The following RABGAP1L variants were observed in gnomAD, a reference collection of about 807,000 sequenced individuals.
The protein encoded by RABGAP1L is rab GTPase-activating protein 1-like.
RABGAP1L carries 63 observed loss-of-function variants against 137.7 expected under a neutral mutation model. The ratio of observed to expected loss-of-function variants is 0.46; its 90% CI spans 0.37 to 0.56. The LOEUF (loss-of-function observed/expected upper bound fraction) is 0.56, where lower values mean the gene tolerates loss of function less well. Among genes scored for constraint, RABGAP1L ranks in the 20% least tolerant of loss-of-function variants. RABGAP1L has a pLI of 0.00. For missense variants in RABGAP1L, 1,095 were observed against 1,244.0 expected (o/e 0.88, Z 1.80); for synonymous variants, 431 against 433.7 (o/e 0.99, Z 0.08).
chr1:174,700,957 T>TGTTAGCAGTTTTTTTTCA, intron 16 of RABGAP1L: 1 of 845,902 alleles, frequency 1.2e-6, no homozygotes, highest in Non-Finnish European at 1.6e-6. Context: ...CACATTTTTC[T>TGTTAGCAGTTTTTTTTCA]GTTAGCAGTT....
chr1:174,611,991 T>TA (rs1213157907), intron 13 of RABGAP1L, among the ~76,000 whole-genome samples: 1 of 152,246 alleles, frequency 6.6e-6, no homozygotes, highest in Non-Finnish European at 1.5e-5. Flanking sequence ...TACAATCATG[T>TA]CATCTGCAAA....
chr1:174,180,510 C>A (rs1370752492), intron 1 of RABGAP1L, among the ~76,000 whole-genome samples: 1 of 152,120 alleles, frequency 6.6e-6, no homozygotes, highest in East Asian at 1.9e-4. Flanking sequence ...TGTCACCTAC[C>A]TTAGAGTACA....
At chr1:174,481,625 C>G (rs1659093495) in intron 13 of RABGAP1L, among the ~76,000 whole-genome samples, 1 of 152,090 alleles carries the variant, frequency 6.6e-6, no homozygotes, top group African/African-American at 2.4e-5. Context: ...CATTTCTTAA[C>G]TACTCTAGCA....
Position 174,992,756 on chromosome 1 carries a change from A to G in RABGAP1L, c.*2755A>G, listed in dbSNP as rs1672147170. 1.3e-5 allele frequency: 2 copies of G among 152,212 alleles called. No individual in the cohort carries two copies. Among genetic ancestry groups the G allele is most frequent in the Admixed American group, 6.5e-5 (1 of 15,284 alleles). 9.4% of individuals were successfully genotyped at this position (152,212 alleles called of 1,614,324 possible). ...TATGTCCTTCACTGTCTATTGTTGG[A>G]AAACTCATGCATCCCAGCATGAAGT... On this transcript the variant is annotated 3_prime_UTR_variant, in exon 26 of 26. Coordinates refer to ENST00000681986, the MANE Select transcript of RABGAP1L (RefSeq NM_001366446.1).
At chr1:174,255,781 C>T (rs575085357) in intron 7 of RABGAP1L, among the ~76,000 whole-genome samples, 39 of 152,346 alleles carry the variant, frequency 2.6e-4, no homozygotes, top group South Asian at 1.7e-3. Context: ...CTGCCTCAGC[C>T]TCCCAAAGTG....
chr1:174,717,296 G>A (rs1681100838), intron 17 of RABGAP1L, among the ~76,000 whole-genome samples: 1 of 152,108 alleles, frequency 6.6e-6, no homozygotes, highest in African/African-American at 2.4e-5. Flanking sequence ...TGTACTCCCA[G>A]TTACTCAGGA....
At chr1:174,482,767 A>G (rs1288307770) in intron 13 of RABGAP1L, among the ~76,000 whole-genome samples, 1 of 152,206 alleles carries the variant, frequency 6.6e-6, no homozygotes, top group Non-Finnish European at 1.5e-5. Flanking sequence ...GTGAGCCACC[A>G]TGCCCTCACA....
At chr1:174,827,286 T>C (rs1452704030) in intron 19 of RABGAP1L, among the ~76,000 whole-genome samples, 1 of 152,202 alleles carries the variant, frequency 6.6e-6, no homozygotes, top group African/African-American at 2.4e-5. Context: ...TAGCAAGGAC[T>C]ATAGGCATGT....
intron 19 of RABGAP1L, among the ~76,000 whole-genome samples, chr1:174,886,497 C>A (rs1655158404): frequency 6.6e-6 from 1 of 152,176 alleles, no homozygotes; most frequent in Non-Finnish European, 1.5e-5. Flanking sequence ...AATACAGAAG[C>A]CCTCTTATCC....
intron 19 of RABGAP1L, among the ~76,000 whole-genome samples, chr1:174,881,285 C>T (rs1211999459): frequency 6.6e-6 from 1 of 151,924 alleles, no homozygotes; most frequent in Non-Finnish European, 1.5e-5. Context: ...TATGGAAAAG[C>T]CTTGGAGTTC....
intron 13 of RABGAP1L, among the ~76,000 whole-genome samples, chr1:174,537,929 C>G (rs1665023713): frequency 1.3e-5 from 2 of 152,144 alleles, no homozygotes; most frequent in Admixed American, 1.3e-4. Flanking sequence ...GTTAGTTACT[C>G]TCTTCCTTAG....
At chr1:174,241,059 G>A (rs543933413) in intron 4 of RABGAP1L, among the ~76,000 whole-genome samples, 13 of 152,196 alleles carry the variant, frequency 8.5e-5, no homozygotes, top group African/African-American at 2.4e-4. Context: ...GGGGGCTCAC[G>A]CCTGTAATCC....
Position 174,327,217 on chromosome 1 carries a change from G to A in RABGAP1L, c.1465+22090G>A, listed in dbSNP as rs185011358. On this transcript the variant is annotated intron_variant, in intron 11 of 25. Transcript: ENST00000681986. ...ATAAACCACTTATGGTTTAACCTTC[G>A]TTGTTAGGAAGGGTTAAAAGACAAA... 1.1e-4 allele frequency among the ~76,000 whole-genome samples: 17 copies of A among 152,194 alleles called. No individual in the cohort carries two copies. In the East Asian group the frequency reaches 1.7e-3, roughly 16 times the overall value.
chr1:174,491,962 A>G (rs1334342629), intron 13 of RABGAP1L, among the ~76,000 whole-genome samples: 1 of 152,170 alleles, frequency 6.6e-6, no homozygotes, highest in Non-Finnish European at 1.5e-5. Context: ...GGATGAGGGA[A>G]TGATTGTGTT....
intron 11 of RABGAP1L, among the ~76,000 whole-genome samples, chr1:174,334,141 T>G (rs1353186755): frequency 6.6e-6 from 1 of 152,220 alleles, no homozygotes; most frequent in Non-Finnish European, 1.5e-5. Context: ...ATACTTTCGC[T>G]TCTTTCTTTT....
intron 17 of RABGAP1L, among the ~76,000 whole-genome samples, chr1:174,738,383 C>T (rs1377729873): frequency 1.3e-5 from 2 of 152,022 alleles, no homozygotes; most frequent in Non-Finnish European, 2.9e-5. Context: ...TGTATAAGGC[C>T]CTCCTCAGTT....
chr1:174,884,157 C>T (rs1317364503), intron 19 of RABGAP1L, among the ~76,000 whole-genome samples: 3 of 152,200 alleles, frequency 2.0e-5, no homozygotes, highest in South Asian at 2.1e-4. Flanking sequence ...ACTATATTGG[C>T]ACTGGATAGA....
At chr1:174,747,415 A>C (rs1261841308) in intron 17 of RABGAP1L, among the ~76,000 whole-genome samples, 2 of 151,560 alleles carry the variant, frequency 1.3e-5, no homozygotes. Flanking sequence ...AAAAAAAAAA[A>C]AAAAAAAAAA....
intron 12 of RABGAP1L, 132 bp from the exon 13 acceptor site, chr1:174,393,863 T>C: frequency 1.1e-6 from 1 of 935,858 alleles, no homozygotes; most frequent in Non-Finnish European, 1.6e-6. Flanking sequence ...TACTATTGTT[T>C]AATGCCCCCC....
Sources: gnomAD v4.1 joint callset for allele counts (sites outside exome capture counted in the v4.1 genomes callset) on GRCh38, gnomAD v4.1.1 for gene constraint, MANE v1.5 for transcripts, NCBI Gene and HGNC (gene_info 2026-07-23, HGNC 2026-07-21) for gene names.